The following RRBP1 variants were observed in gnomAD, a reference collection of about 807,000 sequenced individuals.
RRBP1 encodes ribosome binding protein 1.
RRBP1 carries 94 observed loss-of-function variants against 165.2 expected under a neutral mutation model. That is an observed-to-expected ratio of 0.57 (90% CI 0.48 to 0.68). RRBP1 has a LOEUF of 0.68. RRBP1 is among the 30% of genes least tolerant of loss of function. The pLI is 0.00. For synonymous variants in RRBP1, 680 were observed against 714.5 expected, an observed-to-expected ratio of 0.95 and a Z score of 0.77; for missense variants, 1,676 against 1,763.0, an observed-to-expected ratio of 0.95 and a Z score of 0.88.
At chr20:17,650,299 G>A (rs1439420575) in intron 3 of RRBP1, among the ~76,000 whole-genome samples, 3 of 152,218 alleles carry the variant, frequency 2.0e-5, no homozygotes, top group Non-Finnish European at 4.4e-5. Context: ...GCAAGAATGG[G>A]CCTCTGAAAT....
In RRBP1 at chr20:17,675,715, C is replaced by T. The variant is rs111348443; in HGVS notation, c.-22+4284G>A. ...AGAAGCATGCCTGAGGAACAGAGGC[C>T]ACCGTGGCTGCAGCAGAGGACAGGG... On this transcript the variant is annotated intron_variant, in intron 2 of 24. Coordinates refer to ENST00000377813, the MANE Select transcript of RRBP1 (RefSeq NM_001365613.2). Among the ~76,000 whole-genome samples the T allele has an allele frequency of 6.2e-3, 947 of 152,302 alleles. 14 individuals carry two copies. Among genetic ancestry groups the T allele is most frequent in the African/African-American group, 0.021 (893 of 41,562 alleles).
chr20:17,664,264 C>T (rs139475853), intron 2 of RRBP1, among the ~76,000 whole-genome samples: 3 of 152,270 alleles, frequency 2.0e-5, no homozygotes, highest in African/African-American at 4.8e-5. Flanking sequence ...ACACAGACGG[C>T]GTGAATCCAC....
intron 2 of RRBP1, among the ~76,000 whole-genome samples, chr20:17,675,025 G>A (rs1181213196): frequency 1.3e-5 from 2 of 152,224 alleles, no homozygotes; most frequent in Non-Finnish European, 2.9e-5. Flanking sequence ...TTCTGTCAAG[G>A]TGCCATGCAT....
chr20:17,642,830 C>T (rs2036389533), intron 4 of RRBP1, 149 bp downstream of exon 4: 16 of 867,250 alleles, frequency 1.8e-5, no homozygotes, highest in South Asian at 3.4e-5. Flanking sequence ...AAAGCACCTG[C>T]GAGCGATCCC....
intron 2 of RRBP1, among the ~76,000 whole-genome samples, chr20:17,663,187 C>T (rs1185497221): frequency 6.6e-6 from 1 of 152,200 alleles, no homozygotes; most frequent in Non-Finnish European, 1.5e-5. Flanking sequence ...GACCGTGACA[C>T]AGTGAACAGC....
chr20:17,656,006 T>C (rs555987275), intron 3 of RRBP1, among the ~76,000 whole-genome samples: 1 of 152,298 alleles, frequency 6.6e-6, no homozygotes, highest in Non-Finnish European at 1.5e-5. Context: ...GTGATTCATC[T>C]GCATAACAAA....
intron 2 of RRBP1, among the ~76,000 whole-genome samples, chr20:17,662,123 C>T (rs1393150891): frequency 2.0e-5 from 3 of 152,024 alleles, no homozygotes; most frequent in East Asian, 3.9e-4. Context: ...CTTAGCCAGG[C>T]GTGGCGGCGG....
chr20:17,621,543 A>T lies in RRBP1; in HGVS notation c.3329T>A (p.Leu1110Gln), dbSNP rs1165189576. The change falls in exon 16 of 25, where the codon CTG (leucine) becomes CAG (glutamine). Residue 1110 changes from leucine to glutamine, a missense_variant. Leu to Gln is a moderately radical substitution (Grantham distance 113). This residue lies in a region of RRBP1 where 1,184 missense variants were observed against 1,167.1 expected (regional missense o/e 1.01). Transcript: ENST00000377813. Reference protein sequence around the residue: ...PPAPAEPSSDLASKLREAEET... With the variant: ...PPAPAEPSSDQASKLREAEET... ...CTCGGCCTCCCTCAACTTGGAGGCCAGGTCCTGAGAGAGGGAAGAACAGGT... is the reference window on the plus strand; with the variant it reads ...CTCGGCCTCCCTCAACTTGGAGGCCTGGTCCTGAGAGAGGGAAGAACAGGT... 1 of 1,611,698 alleles carries T rather than the reference A, an allele frequency of 6.2e-7. No homozygotes were observed. The highest frequency in any genetic ancestry group is 1.3e-5 in the African/African-American group (1 of 74,894).
chr20:17,618,811 T>C, intron 19 of RRBP1, 132 bp from the exon 20 acceptor site: 1 of 703,898 alleles, frequency 1.4e-6, no homozygotes, highest in Admixed American at 2.1e-5. Context: ...GGTCACAGCA[T>C]CGGGCCGGCA....
chr20:17,654,741 A>G (rs2036618900), intron 3 of RRBP1, among the ~76,000 whole-genome samples: 1 of 152,024 alleles, frequency 6.6e-6, no homozygotes, highest in Non-Finnish European at 1.5e-5. Context: ...CTCAGCCCCT[A>G]AGGTCTGTCC....
Position 17,614,857 on chromosome 20 carries a change from C to G in RRBP1, c.4074G>C (p.Lys1358Asn). ...CGGCGCGCCCCAGGTCACTTGTTAA[C>G]TTCTTCTCTTTTTCTAGTCTCTCCT... Reference protein sequence around the residue: ...QLKERLEKEKKLTSDLGRAAT... With the variant: ...QLKERLEKEKNLTSDLGRAAT... Residue 1358 changes from lysine (K) to asparagine (N), a missense_variant, in exon 24 of 25, where the codon AAG becomes AAC. Lys to Asn is a moderately conservative substitution (Grantham distance 94). Transcript: ENST00000377813. The G allele has an allele frequency of 1.2e-6, 2 of 1,613,030 alleles. No individual in the cohort carries two copies.
chr20:17,654,739 C>T (rs532185234), intron 3 of RRBP1, among the ~76,000 whole-genome samples: 1 of 152,252 alleles, frequency 6.6e-6, no homozygotes, highest in South Asian at 2.1e-4. Flanking sequence ...CCCTCAGCCC[C>T]TAAGGTCTGT....
At chr20:17,666,202 A>G (rs543842095) in intron 2 of RRBP1, among the ~76,000 whole-genome samples, 3 of 152,292 alleles carry the variant, frequency 2.0e-5, no homozygotes, top group South Asian at 4.1e-4. Flanking sequence ...AGAGCACTAC[A>G]CTGATTTAAA....
chr20:17,625,513 T>A lies in RRBP1; in HGVS notation c.3053A>T (p.Asn1018Ile). The A allele has an allele frequency of 5.6e-6, 9 of 1,613,284 alleles. No homozygotes were observed. The highest frequency in any genetic ancestry group is 6.8e-6 in the Non-Finnish European group (8 of 1,179,550). ...CCCGCCTGTGCCTGCCGCACTCACATTGTTCTTCACTTTCTGCTGCTCGAC... is the reference window on the plus strand; with the variant it reads ...CCCGCCTGTGCCTGCCGCACTCACAATGTTCTTCACTTTCTGCTGCTCGAC... Reference protein sequence around the residue: ...EAVEQQKVKNNDLREKNWKAM... With the variant: ...EAVEQQKVKNIDLREKNWKAM... Residue 1018 changes from asparagine to isoleucine, a missense_variant and splice_region_variant, in exon 12 of 25, where the codon AAT becomes ATT. By Grantham distance (149) the Asn-to-Ile change is moderately radical. This residue lies in a region of RRBP1 where 1,184 missense variants were observed against 1,167.1 expected (regional missense o/e 1.01). Transcript: ENST00000377813.
chr20:17,680,540 G>C (rs927286804), intron 1 of RRBP1, among the ~76,000 whole-genome samples: 2 of 152,180 alleles, frequency 1.3e-5, no homozygotes, highest in South Asian at 2.1e-4. Flanking sequence ...CCTAACCTCT[G>C]ACCTCTCAGA....
Position 17,641,917 on chromosome 20 carries a change from G to T in RRBP1, c.2064C>A (p.Ala688=), listed in dbSNP as rs114165623. 1.2e-6 allele frequency: 2 copies of T among 1,612,954 alleles called. No homozygotes were observed. The highest frequency in any genetic ancestry group is 1.3e-5 in the African/African-American group (1 of 75,036). ...TCGCCACAGGGTCACCCTTCTGAGT[G>T]GCCTAGAAATACCCAGAGATGCGTT... ...AGIIQDTWHK[A]TQKGDPVAIL... Residue 688 remains alanine, a splice_region_variant and synonymous_variant, in exon 5 of 25, where the codon GCC becomes GCA. Coordinates refer to ENST00000377813, the MANE Select transcript of RRBP1 (RefSeq NM_001365613.2).
rs1252788388 is a variant in RRBP1 at position 17,629,964 on chromosome 20, G to A, written c.2611-3C>T. ...TCCTCACTCTCCCTGTGGGACGCCT[G>A]GGGACGGGCAGGGGAGTGGGGCAGT... On this transcript the variant is annotated splice_polypyrimidine_tract_variant and splice_region_variant and intron_variant, in intron 8 of 24. Coordinates refer to ENST00000377813, the MANE Select transcript of RRBP1 (RefSeq NM_001365613.2). The A allele has an allele frequency of 6.3e-7, 1 of 1,594,058 alleles. No homozygotes were observed. Among genetic ancestry groups the A allele is most frequent in the Non-Finnish European group, 8.5e-7 (1 of 1,175,522 alleles).
intron 9 of RRBP1, 28 bp downstream of exon 9, chr20:17,629,795 C>T (rs1172979881): frequency 1.6e-5 from 26 of 1,583,036 alleles, no homozygotes; most frequent in Admixed American, 6.7e-5. Context: ...CTGCACTGAA[C>T]CCCCGGCCCC....
rs11551704 is a variant in RRBP1, at chr20:17,615,941, C to T, written c.3936G>A (p.Thr1312=). The change falls in exon 22 of 25, where the codon ACG becomes ACA. Residue 1312 remains threonine (T), a synonymous_variant. Transcript: ENST00000377813. The stretch of plus-strand genomic sequence containing the variant: ...AGGGCCTGACCTCCTCAAACTCGGC[C>T]GTGAGCTTCTGCCGCTGTGTCTGCT... ...EDEQTQRQKL[T]AEFEEAQTSA... 1.9e-3 allele frequency: 3,039 copies of T among 1,610,206 alleles called. 37 individuals are homozygous for T. The African/African-American group carries it at 0.034, about 18-fold the overall frequency.
Sources: gnomAD v4.1 joint callset for allele counts (sites outside exome capture counted in the v4.1 genomes callset) on GRCh38, gnomAD v4.1.1 for gene constraint, gnomAD v4.1.1 regional missense constraint, MANE v1.5 for transcripts, NCBI Gene and HGNC (gene_info 2026-07-23, HGNC 2026-07-21) for gene names.